Variants in RESF1 observed in about 807,000 individuals in gnomAD.
RESF1 encodes the protein retroelement silencing factor 1.
In RESF1, 65 loss-of-function variants were observed where a neutral mutation model predicts 134.7. The observed-to-expected ratio is 0.48, with a 90% CI of 0.40 to 0.59. The LOEUF (loss-of-function observed/expected upper bound fraction) is 0.59, where lower values mean the gene tolerates loss of function less well. RESF1 is among the 20% of genes least tolerant of loss of function. The probability of loss-of-function intolerance (pLI) is 0.00; values close to 1 mark genes in which losing one functional copy is unlikely to be tolerated. For missense variants in RESF1, 2,274 were observed against 2,002.7 expected (o/e 1.14, Z -2.59); for synonymous variants, 762 against 702.2 (o/e 1.09, Z -1.35).
At chr12:31,986,394 A>G (rs1939971871) in intron 4 of RESF1, among the ~76,000 whole-genome samples, 1 of 152,216 alleles carries the variant, frequency 6.6e-6, no homozygotes, top group South Asian at 2.1e-4. Flanking sequence ...GAGGATAAGT[A>G]ATGATGAATA....
chr12:31,971,291 T>C (rs959501203), intron 3 of RESF1, among the ~76,000 whole-genome samples: 1 of 152,150 alleles, frequency 6.6e-6, no homozygotes, highest in Non-Finnish European at 1.5e-5. Flanking sequence ...TACAGGCATG[T>C]ACCACTATAC....
Position 31,983,035 on chromosome 12 carries a change from G to A in RESF1, c.2080G>A (p.Asp694Asn), listed in dbSNP as rs1939847939. 1 of 1,613,998 alleles carries A rather than the reference G, an allele frequency of 6.2e-7. No homozygotes were observed. The highest frequency in any genetic ancestry group is 1.3e-5 in the African/African-American group (1 of 75,060). The change falls in exon 4 of 6, where the codon GAT becomes AAT. Residue 694 changes from aspartate to asparagine, a missense_variant. Transcript: ENST00000312561. ...AGATACTGCAAAAGAAAAGGAGTGTGATAAACTCAGAACAAACACAACAGC... is the reference window on the plus strand; with the variant it reads ...AGATACTGCAAAAGAAAAGGAGTGTAATAAACTCAGAACAAACACAACAGC... ...PSDTAKEKEC[D>N]KLRTNTTAVG... is the part of the protein sequence containing the mutation.
In RESF1 at chr12:31,970,347, A is replaced by G. The variant is rs1055076736; in HGVS notation, c.-88A>G. The stretch of plus-strand genomic sequence containing the variant: ...CTAATGGACAGTTAGTCACCCACCT[A>G]CATGTTGAGGTACTCTGGACCTTTT... On this transcript the variant is annotated 5_prime_UTR_variant, in exon 3 of 6. Coordinates refer to ENST00000312561, the MANE Select transcript of RESF1 (RefSeq NM_018169.4). 1.3e-5 allele frequency: 2 copies of G among 152,232 alleles called. No homozygotes were observed. Among genetic ancestry groups the G allele is most frequent in the Non-Finnish European group, 2.9e-5 (2 of 68,040 alleles). The allele number at this position is 152,232 out of a possible 1,614,324, so 9.4% of individuals were successfully genotyped here.
Position 31,984,532 on chromosome 12 carries a change from A to G in RESF1, c.3577A>G (p.Ile1193Val), listed in dbSNP as rs776090980. ...AGTACCCCAGTGTCAGTGTAATTCCATCAAGAACTCATCTTCAGAGGAAGA... is the reference window on the plus strand; with the variant it reads ...AGTACCCCAGTGTCAGTGTAATTCCGTCAAGAACTCATCTTCAGAGGAAGA... ...EGVPQCQCNS[I>V]KNSSSEEEKQ... Residue 1193 changes from isoleucine (I) to valine (V), a missense_variant, in exon 4 of 6, where the codon ATC becomes GTC. By Grantham distance (29) the Ile-to-Val change is conservative. Coordinates refer to ENST00000312561, the MANE Select transcript of RESF1 (RefSeq NM_018169.4). 3.8e-6 allele frequency: 6 copies of G among 1,595,484 alleles called. No individual in the cohort carries two copies. The East Asian group carries it at 1.1e-4, about 30-fold the overall frequency.
In RESF1 at chr12:31,960,788, TA is replaced by T. The variant is rs1939245542; in HGVS notation, c.-327del. 6.6e-6 allele frequency: 1 copy of T among 152,206 alleles called. No homozygotes were observed. The allele number at this position is 152,206 out of a possible 1,614,324, so 9.4% of individuals were successfully genotyped here. ...CTTGCTGTCCCTAGGACCAAAGAAG[TA>T]AACACTGTGTGGAGAGGGACTGACG... On this transcript the variant is annotated 5_prime_UTR_variant, in exon 2 of 6. Coordinates refer to ENST00000312561, the MANE Select transcript of RESF1 (RefSeq NM_018169.4).
In RESF1 at chr12:31,983,172, G is replaced by T; in HGVS notation, c.2217G>T (p.Ser739=). ...ISNPSQQTAL[S]MVMHNYESSG... ...ATCCCTCACAGCAGACAGCTTTGTC[G>T]ATGGTAATGCACAATTATGAGTCTT... Residue 739 remains serine, a synonymous_variant, in exon 4 of 6, where the codon TCG becomes TCT. Transcript: ENST00000312561. 6.2e-7 allele frequency: 1 copy of T among 1,611,518 alleles called. No homozygotes were observed. Among genetic ancestry groups the T allele is most frequent in the South Asian group, 1.1e-5 (1 of 90,666 alleles).
chr12:31,990,292 C>G (rs1940068607), intron 5 of RESF1, among the ~76,000 whole-genome samples: 1 of 152,046 alleles, frequency 6.6e-6, no homozygotes, highest in African/African-American at 2.4e-5. Context: ...AAAACACAAA[C>G]CAGGTACACT....
intron 3 of RESF1, among the ~76,000 whole-genome samples, chr12:31,978,963 C>T (rs1270410168): frequency 1.3e-5 from 2 of 150,738 alleles, no homozygotes; most frequent in Non-Finnish European, 3.0e-5. Context: ...CTCTGTCACC[C>T]AGGCTGGAGT....
chr12:31,990,271 A>G (rs867422581), intron 5 of RESF1, among the ~76,000 whole-genome samples: 2 of 152,190 alleles, frequency 1.3e-5, no homozygotes, highest in Non-Finnish European at 2.9e-5. Context: ...ACTCAGAATC[A>G]TGATGAAAGA....
intron 2 of RESF1, among the ~76,000 whole-genome samples, chr12:31,963,099 C>T (rs1321064115): frequency 6.6e-6 from 1 of 152,054 alleles, no homozygotes; most frequent in Admixed American, 6.5e-5. Flanking sequence ...GTCGCAGTGG[C>T]TCACGCCTGT....
intron 5 of RESF1, among the ~76,000 whole-genome samples, chr12:31,987,780 G>C (rs1394249418): frequency 6.6e-6 from 1 of 151,902 alleles, no homozygotes; most frequent in Non-Finnish European, 1.5e-5. Context: ...CTGTCACCCA[G>C]GCTGGAGTGC....
Position 31,983,005 on chromosome 12 carries a change from C to A in RESF1, c.2050C>A (p.Pro684Thr), listed in dbSNP as rs764189384. ...ATCLSLWKKQ[P>T]SDTAKEKECD... ...CTGTCTTTCCCTGTGGAAAAAGCAA[C>A]CTTCAGATACTGCAAAAGAAAAGGA... Residue 684 changes from proline to threonine, a missense_variant, in exon 4 of 6, where the codon CCT (proline) becomes ACT (threonine). Pro to Thr is a conservative substitution (Grantham distance 38). Transcript: ENST00000312561. 1 of 1,614,072 alleles carries A rather than the reference C, an allele frequency of 6.2e-7. No homozygotes were observed.
chr12:31,985,454 G>A lies in RESF1; in HGVS notation c.4499G>A (p.Ser1500Asn). ...SCGKSNEKHSSGVQTSKESLN... is the reference protein window; with the variant it reads ...SCGKSNEKHSNGVQTSKESLN... Reference sequence around the variant, plus strand: ...GGGAAATCAAATGAGAAACACAGCAGCGGCGTGCAGACCTCTAAAGAATCA... The same window carrying A: ...GGGAAATCAAATGAGAAACACAGCAACGGCGTGCAGACCTCTAAAGAATCA... The change falls in exon 4 of 6, where the codon AGC (serine) becomes AAC (asparagine). Residue 1500 changes from serine to asparagine, a missense_variant. Transcript: ENST00000312561. 1 of 1,607,682 alleles carries A rather than the reference G, an allele frequency of 6.2e-7. No individual in the cohort carries two copies. Among genetic ancestry groups the A allele is most frequent in the South Asian group, 1.1e-5 (1 of 89,570 alleles).
intron 3 of RESF1, among the ~76,000 whole-genome samples, chr12:31,973,899 T>A (rs1395385614): frequency 1.3e-5 from 2 of 152,150 alleles, no homozygotes; most frequent in East Asian, 3.9e-4. Context: ...CATGTTGGCA[T>A]CATCTACCTG....
chr12:31,986,516 A>T (rs932692884), intron 4 of RESF1, among the ~76,000 whole-genome samples: 1 of 152,240 alleles, frequency 6.6e-6, no homozygotes, highest in South Asian at 2.1e-4. Context: ...TACTCATAAG[A>T]TAGAAGAACC....
chr12:31,960,528 T>A (rs1311827890), intron 1 of RESF1, among the ~76,000 whole-genome samples: 1 of 152,182 alleles, frequency 6.6e-6, no homozygotes, highest in African/African-American at 2.4e-5. Flanking sequence ...GATAAAGTAT[T>A]ATTGTTTTGC....
chr12:31,990,933 T>C (rs79421115), intron 5 of RESF1, among the ~76,000 whole-genome samples: 1,652 of 152,252 alleles, frequency 0.011, 32 homozygotes, highest in African/African-American at 0.038. Context: ...GTGGGGCCCA[T>C]GTGTGTCATC....
chr12:31,987,529 A>G (rs1940003611), intron 5 of RESF1, among the ~76,000 whole-genome samples: 1 of 151,872 alleles, frequency 6.6e-6, no homozygotes, highest in Non-Finnish European at 1.5e-5. Flanking sequence ...TTTTATTTTA[A>G]TAGGAAAATA....
chr12:31,989,594 G>A (rs1323622461), intron 5 of RESF1, among the ~76,000 whole-genome samples: 1 of 152,100 alleles, frequency 6.6e-6, no homozygotes, highest in Non-Finnish European at 1.5e-5. Context: ...GCTCACGCCT[G>A]TAATACCAGC....
Sources: allele counts gnomAD v4.1 joint callset (sites outside exome capture counted in the v4.1 genomes callset), GRCh38; gene constraint gnomAD v4.1.1; transcripts MANE v1.5; gene names NCBI Gene and HGNC (gene_info 2026-07-23, HGNC 2026-07-21).